SYT1: variants seen among roughly 807,000 people sequenced by gnomAD.
SYT1 encodes synaptotagmin-1.
Under a neutral mutation model 44.8 loss-of-function variants are expected in SYT1, and 8 were observed. The ratio of observed to expected loss-of-function variants is 0.18; its 90% CI spans 0.10 to 0.32. The LOEUF (loss-of-function observed/expected upper bound fraction) is 0.32, where lower values mean the gene tolerates loss of function less well. SYT1 is among the 10% of genes least tolerant of loss of function. The pLI is 1.00. For missense variants in SYT1, 286 were observed against 509.3 expected (o/e 0.56, Z 4.22); for synonymous variants, 154 against 188.8 (o/e 0.82, Z 1.51).
intron 2 of SYT1, among the ~76,000 whole-genome samples, chr12:78,996,716 C>A (rs1870403775): frequency 6.6e-6 from 1 of 152,284 alleles, no homozygotes; most frequent in Non-Finnish European, 1.5e-5. Flanking sequence ...ATCCATATAT[C>A]TGCTTTTCCT....
At chr12:79,424,122 C>A (rs1050625877) in intron 9 of SYT1, among the ~76,000 whole-genome samples, 3 of 151,942 alleles carry the variant, frequency 2.0e-5, no homozygotes, top group Non-Finnish European at 4.4e-5. Context: ...TAAGGGAATT[C>A]GAATGGCACT....
chr12:78,913,854 T>C (rs1462823487), intron 1 of SYT1, among the ~76,000 whole-genome samples: 1 of 151,876 alleles, frequency 6.6e-6, no homozygotes, highest in African/African-American at 2.4e-5. Context: ...TGGAAGGGTA[T>C]CTTGCTATCC....
chr12:79,258,257 G>A (rs1224191748), intron 4 of SYT1, among the ~76,000 whole-genome samples: 2 of 152,028 alleles, frequency 1.3e-5, no homozygotes, highest in African/African-American at 4.8e-5. Context: ...TGGAAAACAG[G>A]GTTTTATGCT....
intron 1 of SYT1, among the ~76,000 whole-genome samples, chr12:78,869,886 A>G (rs528411633): frequency 4.6e-5 from 7 of 152,130 alleles, no homozygotes; most frequent in Non-Finnish European, 7.4e-5. Context: ...AAATACAAAG[A>G]AAGCATACTG....
At chr12:78,996,087 C>G (rs1870361914) in intron 2 of SYT1, among the ~76,000 whole-genome samples, 1 of 152,096 alleles carries the variant, frequency 6.6e-6, no homozygotes, top group Non-Finnish European at 1.5e-5. Context: ...ACAATAAGGT[C>G]TGGAGGTGTA....
intron 9 of SYT1, among the ~76,000 whole-genome samples, chr12:79,431,735 G>T (rs909612255): frequency 2.6e-5 from 4 of 151,970 alleles, no homozygotes; most frequent in South Asian, 2.1e-4. Flanking sequence ...TACAGACGGG[G>T]TTTCACCATG....
chr12:79,182,416 A>G (rs187032045), intron 3 of SYT1, among the ~76,000 whole-genome samples: 43 of 152,210 alleles, frequency 2.8e-4, no homozygotes, highest in Non-Finnish European at 5.9e-4. Context: ...TTCCTGAAAC[A>G]TCTTCATAAA....
intron 1 of SYT1, among the ~76,000 whole-genome samples, chr12:78,911,513 TGTGA>T (rs1876325001): frequency 9.2e-6 from 1 of 108,208 alleles, no homozygotes; most frequent in South Asian, 2.7e-4. Flanking sequence ...AAGGCAAATA[TGTGA>T]GAGAAGACCT....
intron 8 of SYT1, among the ~76,000 whole-genome samples, chr12:79,317,844 C>T (rs1881171009): frequency 6.6e-6 from 1 of 152,084 alleles, no homozygotes; most frequent in South Asian, 2.1e-4. Context: ...TATTCATGGA[C>T]CTTAAGGCGG....
chr12:78,950,150 T>C (rs962568811), intron 1 of SYT1, among the ~76,000 whole-genome samples: 6 of 152,080 alleles, frequency 3.9e-5, no homozygotes, highest in Non-Finnish European at 8.8e-5. Flanking sequence ...TGCATGAATA[T>C]GTATTTTTGC....
chr12:79,296,450 A>G (rs920738829), intron 7 of SYT1, among the ~76,000 whole-genome samples: 4 of 152,202 alleles, frequency 2.6e-5, no homozygotes, highest in African/African-American at 9.6e-5. Context: ...GTCATTTCAG[A>G]ATGGAATGGA....
At chr12:79,017,458 T>C (rs1172230922) in intron 2 of SYT1, among the ~76,000 whole-genome samples, 2 of 152,098 alleles carry the variant, frequency 1.3e-5, no homozygotes, top group Non-Finnish European at 2.9e-5. Flanking sequence ...TTCAAAAATA[T>C]AACAGAGATG....
chr12:79,404,932 C>A (rs186070011), intron 9 of SYT1, among the ~76,000 whole-genome samples: 1 of 152,190 alleles, frequency 6.6e-6, no homozygotes, highest in East Asian at 1.9e-4. Flanking sequence ...TTAAGGCAGC[C>A]TGTATGTGAG....
chr12:78,893,551 A>AT (rs1264858318), intron 1 of SYT1, among the ~76,000 whole-genome samples: 2 of 151,820 alleles, frequency 1.3e-5, no homozygotes, highest in African/African-American at 4.8e-5. Flanking sequence ...AGTCTGAACT[A>AT]TAAGAGAATA....
At chr12:78,956,594 A>T (rs147601799) in intron 1 of SYT1, among the ~76,000 whole-genome samples, 7 of 152,094 alleles carry the variant, frequency 4.6e-5, no homozygotes, top group Non-Finnish European at 1.0e-4. Context: ...AATGAAAAAA[A>T]AAAAGTGTTT....
chr12:79,196,652 C>T (rs974041709), intron 3 of SYT1, among the ~76,000 whole-genome samples: 31 of 152,090 alleles, frequency 2.0e-4, no homozygotes, highest in Admixed American at 8.5e-4. Flanking sequence ...TTCAACACAA[C>T]GGAAGAAAGC....
chr12:78,926,619 AG>A, intron 1 of SYT1: 1 of 151,996 alleles, frequency 6.6e-6, no homozygotes, highest in Non-Finnish European at 1.5e-5. Context: ...CCAAAAAAAA[AG>A]TATACTTAGA....
At chr12:79,167,309 C>T (rs1473256893) in intron 3 of SYT1, among the ~76,000 whole-genome samples, 1 of 151,924 alleles carries the variant, frequency 6.6e-6, no homozygotes, top group African/African-American at 2.4e-5. Context: ...GCATTATAAG[C>T]CACTTTTATG....
At chr12:79,279,269 T>C (rs1308711408) in intron 4 of SYT1, among the ~76,000 whole-genome samples, 2 of 151,824 alleles carry the variant, frequency 1.3e-5, no homozygotes, top group Non-Finnish European at 2.9e-5. Flanking sequence ...GAAAACCAAA[T>C]CCAACAGCAC....
Sources: gnomAD v4.1 joint callset for allele counts (sites outside exome capture counted in the v4.1 genomes callset) on GRCh38, gnomAD v4.1.1 for gene constraint, MANE v1.5 for transcripts, NCBI Gene and HGNC (gene_info 2026-07-23, HGNC 2026-07-21) for gene names.